ZNF592: variants seen among roughly 807,000 people sequenced by gnomAD.
The protein encoded by ZNF592 is zinc finger protein 592.
ZNF592 carries 11 observed loss-of-function variants against 80.3 expected under a neutral mutation model. That is an observed-to-expected ratio of 0.14 (90% CI 0.09 to 0.23). The LOEUF is 0.23. ZNF592 is among the 10% of genes least tolerant of loss of function. The pLI is 1.00. For missense variants in ZNF592, 1,420 were observed against 1,633.9 expected, an observed-to-expected ratio of 0.87 and a Z score of 2.26; for synonymous variants, 646 against 640.3, an observed-to-expected ratio of 1.01 and a Z score of -0.13.
At chr15:84,795,505 A>G (rs1366590074) in intron 5 of ZNF592, among the ~76,000 whole-genome samples, 1 of 152,262 alleles carries the variant, frequency 6.6e-6, no homozygotes, top group African/African-American at 2.4e-5. Context: ...AGGAGTTTTC[A>G]GTAGCATTCG....
chr15:84,758,857 T>G (rs1899262170), intron 1 of ZNF592, among the ~76,000 whole-genome samples: 1 of 151,770 alleles, frequency 6.6e-6, no homozygotes. Context: ...GGCTGGGAAG[T>G]CTAGGATGTA....
At chr15:84,754,710 A>G (rs924572212) in intron 1 of ZNF592, among the ~76,000 whole-genome samples, 1 of 151,932 alleles carries the variant, frequency 6.6e-6, no homozygotes, top group Non-Finnish European at 1.5e-5. Flanking sequence ...CTCTTAAAAA[A>G]AAAAAAAAAA....
chr15:84,777,554 C>T (rs1962293328), intron 2 of ZNF592, among the ~76,000 whole-genome samples: 2 of 151,460 alleles, frequency 1.3e-5, no homozygotes, highest in South Asian at 4.2e-4. Context: ...CTCAAGCGGT[C>T]ATCCCACCTT....
At chr15:84,786,841 CTTTT>C (rs35391255) in intron 4 of ZNF592, among the ~76,000 whole-genome samples, 8 of 70,836 alleles carry the variant, frequency 1.1e-4, no homozygotes, top group Non-Finnish European at 1.8e-4. Context: ...CCTTACGTAT[CTTTT>C]TTTTTTTTTT....
intron 3 of ZNF592, among the ~76,000 whole-genome samples, chr15:84,781,156 C>G (rs1392422065): frequency 6.6e-6 from 1 of 152,076 alleles, no homozygotes; most frequent in African/African-American, 2.4e-5. Context: ...TCAAGTGATT[C>G]TCCTGCCTCA....
At chr15:84,792,730 G>C (rs975260511) in intron 5 of ZNF592, among the ~76,000 whole-genome samples, 3 of 152,184 alleles carry the variant, frequency 2.0e-5, no homozygotes, top group Non-Finnish European at 4.4e-5. Context: ...TGGGATTACA[G>C]GCGTGAGCCA....
chr15:84,781,271 C>G (rs1403824599), intron 3 of ZNF592, among the ~76,000 whole-genome samples: 3 of 152,120 alleles, frequency 2.0e-5, no homozygotes, highest in African/African-American at 7.2e-5. Context: ...TGGTCTTGAA[C>G]TCCTGACCTC....
chr15:84,764,289 C>T lies in ZNF592; in HGVS notation c.-258-418C>T, dbSNP rs147075884. Among the ~76,000 whole-genome samples, 603 of 152,314 alleles carry T rather than the reference C, an allele frequency of 4.0e-3. 2 individuals are homozygous for T. The highest frequency in any genetic ancestry group is 0.014 in the African/African-American group (573 of 41,558). ...GCTTGGTGGCCACTGAGGTTGGTGG[C>T]ATAATGCTTAACAAACATGTATTTG... On this transcript the variant is annotated intron_variant, in intron 1 of 10. Coordinates refer to ENST00000560079, the MANE Select transcript of ZNF592 (RefSeq NM_014630.3).
chr15:84,804,615 C>T lies in ZNF592; in HGVS notation c.*2222C>T, dbSNP rs1963192902. ...ATTCCCATCCAACTGGCTTCACAGG[C>T]TTTTGTGAGCTTATGAATGTGAAAG... On this transcript the variant is annotated 3_prime_UTR_variant, in exon 11 of 11. Transcript: ENST00000560079. 6.6e-6 allele frequency: 1 copy of T among 152,190 alleles called. No homozygotes were observed. The highest frequency in any genetic ancestry group is 1.5e-5 in the Non-Finnish European group (1 of 68,036). 9.4% of individuals were successfully genotyped at this position (152,190 alleles called of 1,614,324 possible). A position where few individuals can be genotyped will look rare whatever the true frequency, so the allele number is the denominator to read the frequency against.
chr15:84,782,654 C>G lies in ZNF592; in HGVS notation c.-19-3C>G. 1 of 1,613,912 alleles carries G rather than the reference C, an allele frequency of 6.2e-7. No individual in the cohort carries two copies. Among genetic ancestry groups the G allele is most frequent in the Non-Finnish European group, 8.5e-7 (1 of 1,179,926 alleles). On this transcript the variant is annotated splice_region_variant and splice_polypyrimidine_tract_variant and intron_variant, in intron 3 of 10. Transcript: ENST00000560079. ...CTGATTCTGTTTTCTGTTTCTGTTACAGCCCTTGCCAGCATCCAGCCATGG... is the reference window on the plus strand; with the variant it reads ...CTGATTCTGTTTTCTGTTTCTGTTAGAGCCCTTGCCAGCATCCAGCCATGG...
chr15:84,802,373 A>G lies in ZNF592; in HGVS notation c.3784A>G (p.Thr1262Ala), dbSNP rs756386168. The G allele has an allele frequency of 1.4e-5, 23 of 1,613,584 alleles. No homozygotes were observed. In the Middle Eastern group the frequency reaches 6.6e-4, roughly 46 times the overall value. ...PQASQDQDSH[T>A]LSPQV ...GGCCTCTCAGGACCAGGACAGCCAC[A>G]CACTGTCCCCTCAGGTGTGACCGGA... The change falls in exon 11 of 11, where the codon ACA (threonine) becomes GCA (alanine). Residue 1262 changes from threonine (T) to alanine (A), a missense_variant. Thr to Ala is a moderately conservative substitution (Grantham distance 58). This residue lies in a region of ZNF592 where 24 missense variants were observed against 16.7 expected (regional missense o/e 1.44). Coordinates refer to ENST00000560079, the MANE Select transcript of ZNF592 (RefSeq NM_014630.3).
Position 84,805,343 on chromosome 15 carries a change from T to C in ZNF592, c.*2950T>C, listed in dbSNP as rs781634975. ...CTGGTCTTTTCTTTTTCAAGATTTT[T>C]TTAAATGGTTGTGCTATCATTTGTC... On this transcript the variant is annotated 3_prime_UTR_variant, in exon 11 of 11. Transcript: ENST00000560079. 4 of 152,228 alleles carry C rather than the reference T, an allele frequency of 2.6e-5. No individual in the cohort carries two copies. The highest frequency in any genetic ancestry group is 4.4e-5 in the Non-Finnish European group (3 of 68,046). 9.4% of individuals were successfully genotyped at this position (152,228 alleles called of 1,614,324 possible).
chr15:84,765,036 C>T (rs1899466196), intron 2 of ZNF592, among the ~76,000 whole-genome samples: 1 of 152,084 alleles, frequency 6.6e-6, no homozygotes, highest in Non-Finnish European at 1.5e-5. Context: ...CTGATATCAT[C>T]TCATACTAAA....
Position 84,784,436 on chromosome 15 carries a change from C to T in ZNF592, c.1761C>T (p.Tyr587=), listed in dbSNP as rs757531937. ...GGATCCACGTGCCGGCCAGTGGGTACTGCTGCCTGGAGTGTGGAGACGCAT... is the reference window on the plus strand; with the variant it reads ...GGATCCACGTGCCGGCCAGTGGGTATTGCTGCCTGGAGTGTGGAGACGCAT... The part of the protein sequence containing the change: ...DSRIHVPASG[Y]CCLECGDAFA... The change falls in exon 4 of 11, where the codon TAC becomes TAT. Residue 587 remains tyrosine, a synonymous_variant. Transcript: ENST00000560079. The surrounding 1 kb of genome is among the most constrained non-coding windows in gnomAD (Gnocchi z 5.8). 6 of 1,614,240 alleles carry T rather than the reference C, an allele frequency of 3.7e-6. No individual in the cohort carries two copies. Among genetic ancestry groups the T allele is most frequent in the South Asian group, 1.1e-5 (1 of 91,088 alleles).
At chr15:84,767,305 T>G (rs1233384027) in intron 2 of ZNF592, among the ~76,000 whole-genome samples, 2 of 152,142 alleles carry the variant, frequency 1.3e-5, no homozygotes, top group Non-Finnish European at 2.9e-5. Flanking sequence ...GAATTACAGA[T>G]GTGAGCCACC....
At chr15:84,763,301 T>C (rs1045581881) in intron 1 of ZNF592, among the ~76,000 whole-genome samples, 1 of 152,204 alleles carries the variant, frequency 6.6e-6, no homozygotes, top group Non-Finnish European at 1.5e-5. Context: ...AGCCTGGAAG[T>C]GAAGCCTGAC....
chr15:84,765,707 T>C (rs1319909846), intron 2 of ZNF592, among the ~76,000 whole-genome samples: 1 of 151,638 alleles, frequency 6.6e-6, no homozygotes, highest in African/African-American at 2.4e-5. Context: ...CCCAGCTAAA[T>C]TTTATATTTT....
chr15:84,780,212 C>T (rs1341712585), intron 3 of ZNF592, among the ~76,000 whole-genome samples: 2 of 152,104 alleles, frequency 1.3e-5, no homozygotes, highest in African/African-American at 4.8e-5. Context: ...GTCTCAAACT[C>T]CTGACCTCAG....
chr15:84,800,448 G>A (rs1393624151), intron 10 of ZNF592, among the ~76,000 whole-genome samples: 1 of 152,076 alleles, frequency 6.6e-6, no homozygotes, highest in East Asian at 1.9e-4. Flanking sequence ...CCTGTTCCAT[G>A]CCCTATTCTG....
Sources: allele counts gnomAD v4.1 joint callset (sites outside exome capture counted in the v4.1 genomes callset), GRCh38; gene constraint gnomAD v4.1.1; regional missense constraint gnomAD v4.1.1; non-coding constraint Gnocchi (gnomAD v3.1); transcripts MANE v1.5; gene names NCBI Gene and HGNC (gene_info 2026-07-23, HGNC 2026-07-21).